RNF180: variants seen among roughly 807,000 people sequenced by gnomAD.
RNF180 encodes the protein E3 ubiquitin-protein ligase RNF180.
RNF180 carries 38 observed loss-of-function variants against 59.2 expected under a neutral mutation model. The ratio of observed to expected loss-of-function variants is 0.64; its 90% CI spans 0.50 to 0.84. The LOEUF is 0.84. Ranked by LOEUF, RNF180 falls within the 40% of genes least tolerant of loss-of-function variation. The pLI, the probability that RNF180 is intolerant of heterozygous loss-of-function variation, is 0.00. For synonymous variants in RNF180, 262 were observed against 240.3 expected (o/e 1.09, Z -0.84); for missense variants, 705 against 700.9 (o/e 1.01, Z -0.07).
At chr5:64,192,642 A>G (rs1043553970) in intron 1 of RNF180, among the ~76,000 whole-genome samples, 8 of 152,076 alleles carry the variant, frequency 5.3e-5, no homozygotes, top group Middle Eastern at 3.2e-3. Flanking sequence ...ACTGCACTCC[A>G]GCCTGGGCGA....
In RNF180 at chr5:64,303,330, A is replaced by G. The variant is rs77381179; in HGVS notation, c.1228-21856A>G. ...GTGTTCATGTGAAAGGAAGAGTCAC[A>G]TATGTCTCACTTTACAACAAAAGCT... On this transcript the variant is annotated intron_variant, in intron 5 of 7. Coordinates refer to ENST00000389100, the MANE Select transcript of RNF180 (RefSeq NM_001113561.2). Among the ~76,000 whole-genome samples the G allele has an allele frequency of 7.6e-3, 1,156 of 151,736 alleles. 8 individuals carry two copies. Among genetic ancestry groups the G allele is most frequent in the Non-Finnish European group, 0.012 (796 of 67,694 alleles).
chr5:64,313,973 A>G (rs1743913838), intron 5 of RNF180, among the ~76,000 whole-genome samples: 3 of 152,076 alleles, frequency 2.0e-5, no homozygotes, highest in African/African-American at 7.2e-5. Flanking sequence ...GTGTTTGTTC[A>G]TGTCCTTTGC....
chr5:64,308,470 C>T (rs535537034), intron 5 of RNF180, among the ~76,000 whole-genome samples: 3 of 151,818 alleles, frequency 2.0e-5, no homozygotes, highest in Non-Finnish European at 4.4e-5. Flanking sequence ...CTTTAAACAG[C>T]AACAAACATT....
chr5:64,273,675 A>G (rs1358158008), intron 5 of RNF180, among the ~76,000 whole-genome samples: 2 of 152,018 alleles, frequency 1.3e-5, no homozygotes, highest in Non-Finnish European at 2.9e-5. Context: ...TGAAGAAGTA[A>G]GAAAACTAAG....
chr5:64,355,797 A>C (rs1189130618), intron 7 of RNF180, among the ~76,000 whole-genome samples: 1 of 151,958 alleles, frequency 6.6e-6, no homozygotes, highest in Non-Finnish European at 1.5e-5. Context: ...CATCTGGGAA[A>C]GAATAGTCTC....
intron 5 of RNF180, among the ~76,000 whole-genome samples, chr5:64,311,286 T>C (rs900474657): frequency 2.6e-5 from 4 of 152,110 alleles, no homozygotes; most frequent in South Asian, 4.1e-4. Context: ...TTGATATAGT[T>C]CAAACTAAAT....
At chr5:64,244,348 A>G (rs1266741077) in intron 5 of RNF180, among the ~76,000 whole-genome samples, 1 of 152,140 alleles carries the variant, frequency 6.6e-6, no homozygotes, top group Non-Finnish European at 1.5e-5. Flanking sequence ...ACCTTGAAAA[A>G]AAGAGAAATT....
Position 64,292,584 on chromosome 5 carries a change from G to A in RNF180, c.1228-32602G>A, listed in dbSNP as rs924536330. Among the ~76,000 whole-genome samples the A allele has an allele frequency of 2.6e-5, 4 of 152,168 alleles. No individual in the cohort carries two copies. The East Asian group carries it at 7.7e-4, about 29-fold the overall frequency. ...AGGTGTCTGGATACCTCTGTTGGGA[G>A]GTCTCACCCAGTCACGAGGGATGGG... On this transcript the variant is annotated intron_variant, in intron 5 of 7. Coordinates refer to ENST00000389100, the MANE Select transcript of RNF180 (RefSeq NM_001113561.2).
chr5:64,336,895 A>T (rs1389052534), intron 7 of RNF180, among the ~76,000 whole-genome samples: 1 of 151,576 alleles, frequency 6.6e-6, no homozygotes, highest in Non-Finnish European at 1.5e-5. Flanking sequence ...GGAATTCTTA[A>T]CTTTGATATA....
chr5:64,361,720 A>G (rs926454452), intron 7 of RNF180, among the ~76,000 whole-genome samples: 2 of 151,604 alleles, frequency 1.3e-5, no homozygotes, highest in South Asian at 2.1e-4. Context: ...ATCACAAAGA[A>G]TAAGTTATGA....
chr5:64,195,904 A>C (rs1037606974), intron 1 of RNF180, among the ~76,000 whole-genome samples: 2 of 152,208 alleles, frequency 1.3e-5, no homozygotes, highest in African/African-American at 4.8e-5. Context: ...AGACATGCCA[A>C]TTAATCTAAC....
chr5:64,295,594 C>T (rs1348891187), intron 5 of RNF180, among the ~76,000 whole-genome samples: 1 of 152,176 alleles, frequency 6.6e-6, no homozygotes, highest in East Asian at 1.9e-4. Context: ...TGTTCTGTCT[C>T]CCTAACTCCC....
At chr5:64,233,816 G>A (rs1742241297) in intron 5 of RNF180, among the ~76,000 whole-genome samples, 1 of 152,196 alleles carries the variant, frequency 6.6e-6, no homozygotes, top group South Asian at 2.1e-4. Flanking sequence ...AGATTGCAGA[G>A]TCACAGAGTG....
intron 2 of RNF180, among the ~76,000 whole-genome samples, chr5:64,206,092 AG>A (rs1295436316): frequency 2.0e-5 from 3 of 152,326 alleles, no homozygotes; most frequent in Admixed American, 6.5e-5. Context: ...AGTTTGTGAA[AG>A]GTTTGCCCTG....
At chr5:64,309,390 C>T (rs1186115022) in intron 5 of RNF180, among the ~76,000 whole-genome samples, 6 of 151,680 alleles carry the variant, frequency 4.0e-5, no homozygotes, top group African/African-American at 1.5e-4. Context: ...AGCCGTGATC[C>T]CATCAACCAT....
chr5:64,320,986 C>T (rs1213230206), intron 5 of RNF180, among the ~76,000 whole-genome samples: 2 of 151,880 alleles, frequency 1.3e-5, no homozygotes, highest in African/African-American at 2.4e-5. Context: ...TGCAGTGAGC[C>T]GAGATCGCGC....
chr5:64,344,945 C>CT lies in RNF180; in HGVS notation c.1579+14540dup, dbSNP rs137956422. 4.5e-3 allele frequency among the ~76,000 whole-genome samples: 683 copies of CT among 151,976 alleles called. 5 individuals carry two copies. Among genetic ancestry groups the CT allele is most frequent in the African/African-American group, 0.016 (649 of 41,486 alleles). ...GAGTAGAGAAGGGAACAAGAAGCCC[C>CT]TCCTTCTTCAAGCCAGTTTACCCGT... On this transcript the variant is annotated intron_variant, in intron 7 of 7. Coordinates refer to ENST00000389100, the MANE Select transcript of RNF180 (RefSeq NM_001113561.2).
chr5:64,221,374 A>G (rs921499569), intron 5 of RNF180, among the ~76,000 whole-genome samples: 11 of 152,158 alleles, frequency 7.2e-5, no homozygotes, highest in African/African-American at 2.2e-4. Context: ...AAGACAATCA[A>G]TAGATTAAAA....
At chr5:64,364,551 C>A (rs1746375698) in intron 7 of RNF180, among the ~76,000 whole-genome samples, 1 of 151,600 alleles carries the variant, frequency 6.6e-6, no homozygotes, top group Non-Finnish European at 1.5e-5. Flanking sequence ...GTTCTTGTGT[C>A]TCTGCAAGGC....
Sources: gnomAD v4.1 joint callset for allele counts (sites outside exome capture counted in the v4.1 genomes callset) on GRCh38, gnomAD v4.1.1 for gene constraint, MANE v1.5 for transcripts, NCBI Gene and HGNC (gene_info 2026-07-23, HGNC 2026-07-21) for gene names.